C1GALT1: variants seen among roughly 807,000 people sequenced by gnomAD.
The protein encoded by C1GALT1 is core 1 synthase, glycoprotein-N-acetylgalactosamine 3-beta-galactosyltransferase 1, also known as glycoprotein-N-acetylgalactosamine 3-beta-galactosyltransferase 1.
C1GALT1 carries 11 observed loss-of-function variants against 31.0 expected under a neutral mutation model. That is an observed-to-expected ratio of 0.36 (90% CI 0.22 to 0.59). The LOEUF is 0.59. Among genes scored for constraint, C1GALT1 ranks in the 20% least tolerant of loss-of-function variants. C1GALT1 has a pLI of 0.79. For synonymous variants in C1GALT1, 175 were observed against 143.6 expected (o/e 1.22, Z -1.56); for missense variants, 424 against 425.2 (o/e 1.00, Z 0.03).
intron 2 of C1GALT1, among the ~76,000 whole-genome samples, chr7:7,165,546 G>A (rs866624337): frequency 5.3e-5 from 8 of 152,252 alleles, no homozygotes; most frequent in Middle Eastern, 6.8e-3. Flanking sequence ...TTAAGAGGAC[G>A]TTTCAGTGTA....
intron 1 of C1GALT1, among the ~76,000 whole-genome samples, chr7:7,223,834 T>C (rs1782625355): frequency 6.6e-6 from 1 of 152,176 alleles, no homozygotes; most frequent in South Asian, 2.1e-4. Flanking sequence ...GGACATCCTT[T>C]CCTTGTTCAT....
chr7:7,166,688 T>C (rs1028517677), intron 2 of C1GALT1, among the ~76,000 whole-genome samples: 2 of 152,362 alleles, frequency 1.3e-5, no homozygotes, highest in South Asian at 2.1e-4. Flanking sequence ...ATCCGTGTTA[T>C]ACTATTTACA....
chr7:7,211,377 CTACTT>C (rs1781996119), intron 1 of C1GALT1, among the ~76,000 whole-genome samples: 1 of 152,168 alleles, frequency 6.6e-6, no homozygotes, highest in African/African-American at 2.4e-5. Context: ...AGATTTTTCT[CTACTT>C]TACTAGAGGT....
intron 1 of C1GALT1, among the ~76,000 whole-genome samples, chr7:7,188,579 A>G (rs908282595): frequency 6.9e-6 from 1 of 145,480 alleles, no homozygotes; most frequent in African/African-American, 2.7e-5. Flanking sequence ...AAAACATCAA[A>G]AGGTTATAAA....
upstream of C1GALT1, among the ~76,000 whole-genome samples, chr7:7,178,815 G>A (rs925396058): frequency 3.3e-5 from 5 of 152,194 alleles, no homozygotes; most frequent in Admixed American, 6.5e-5. Context: ...CCAGCTGTAT[G>A]AGTTACCTAT....
chr7:7,192,847 C>T (rs895922874), intron 1 of C1GALT1, among the ~76,000 whole-genome samples: 1 of 152,042 alleles, frequency 6.6e-6, no homozygotes. Context: ...TATGGCCATT[C>T]TTGCAGGAGT....
chr7:7,246,431 A>T lies in C1GALT1; in HGVS notation c.*2704A>T, dbSNP rs941480017. Reference sequence around the variant, plus strand: ...AGCCAAATTGTCACAGTGATTCTTAAACTGTGGTTCTCACACTTGCCCAGG... The same window carrying T: ...AGCCAAATTGTCACAGTGATTCTTATACTGTGGTTCTCACACTTGCCCAGG... On this transcript the variant is annotated 3_prime_UTR_variant, in exon 4 of 4. Transcript: ENST00000436587. 1.3e-5 allele frequency: 2 copies of T among 152,178 alleles called. No homozygotes were observed. Among genetic ancestry groups the T allele is most frequent in the African/African-American group, 4.8e-5 (2 of 41,444 alleles). The allele number at this position is 152,178 out of a possible 1,614,324, so 9.4% of individuals were successfully genotyped here.
intron 2 of C1GALT1, among the ~76,000 whole-genome samples, chr7:7,172,188 T>C (rs1264291637): frequency 6.6e-6 from 1 of 152,202 alleles, no homozygotes; most frequent in African/African-American, 2.4e-5. Context: ...AACTTTTCCA[T>C]CATTTTGAAG....
chr7:7,228,832 C>G (rs1047553050), intron 1 of C1GALT1, among the ~76,000 whole-genome samples: 1 of 152,178 alleles, frequency 6.6e-6, no homozygotes. Flanking sequence ...TCCTTACATT[C>G]ACTCCAGGAT....
intron 1 of C1GALT1, among the ~76,000 whole-genome samples, chr7:7,202,214 T>C (rs1781556347): frequency 6.6e-6 from 1 of 152,188 alleles, no homozygotes; most frequent in Admixed American, 6.5e-5. Context: ...CCAGCAGCTG[T>C]AAACTGCTTC....
chr7:7,196,121 T>A (rs1781275554), intron 1 of C1GALT1, among the ~76,000 whole-genome samples: 1 of 152,190 alleles, frequency 6.6e-6, no homozygotes. Context: ...CGTGCACGTT[T>A]GTTACATATG....
chr7:7,195,239 T>G (rs1386909365), intron 1 of C1GALT1, among the ~76,000 whole-genome samples: 1 of 152,232 alleles, frequency 6.6e-6, no homozygotes, highest in Non-Finnish European at 1.5e-5. Context: ...TTCTTGTTTC[T>G]CTGGTTCCTT....
intron 1 of C1GALT1, among the ~76,000 whole-genome samples, chr7:7,187,484 T>G (rs1780871412): frequency 6.6e-6 from 1 of 152,160 alleles, no homozygotes; most frequent in African/African-American, 2.4e-5. Flanking sequence ...AGAAACAGTT[T>G]TAACAAATTA....
chr7:7,211,931 TATG>T (rs1412288681), intron 1 of C1GALT1, among the ~76,000 whole-genome samples: 4 of 152,250 alleles, frequency 2.6e-5, no homozygotes. Context: ...ATGACAAATG[TATG>T]ATAAGCTTTG....
chr7:7,211,342 T>G (rs1271400607), intron 1 of C1GALT1, among the ~76,000 whole-genome samples: 1 of 152,208 alleles, frequency 6.6e-6, no homozygotes, highest in Non-Finnish European at 1.5e-5. Flanking sequence ...TGTCAATAAT[T>G]TTGATTTGAT....
rs1038470338 is a variant in C1GALT1 at position 7,247,461 on chromosome 7, AAAAT to A, written c.*3739_*3742del. 4.6e-5 allele frequency: 7 copies of A among 152,188 alleles called. No homozygotes were observed. Among genetic ancestry groups the A allele is most frequent in the Admixed American group, 3.9e-4 (6 of 15,280 alleles). The allele number at this position is 152,188 out of a possible 1,614,324, so 9.4% of individuals were successfully genotyped here. Reference sequence around the variant, plus strand: ...CTTTTTCTTACTGTAATGAGGTATGAAAATAAATCATTGATCAGCTCTTAATATT... The same window carrying A: ...CTTTTTCTTACTGTAATGAGGTATGAAAATCATTGATCAGCTCTTAATATT... On this transcript the variant is annotated 3_prime_UTR_variant, in exon 4 of 4. Transcript: ENST00000436587.
chr7:7,174,643 ATTC>A (rs1780485978), intron 2 of C1GALT1, among the ~76,000 whole-genome samples: 1 of 151,914 alleles, frequency 6.6e-6, no homozygotes, highest in Non-Finnish European at 1.5e-5. Context: ...AAATTTCTTC[ATTC>A]TTTTTCCTTT....
chr7:7,158,957 G>A (rs980405), intron 2 of C1GALT1, among the ~76,000 whole-genome samples: 3,392 of 152,182 alleles, frequency 0.022, 132 homozygotes, highest in East Asian at 0.16. Context: ...CAACGAGCAG[G>A]GTTCTTGATC....
Position 7,238,574 on chromosome 7 carries a change from G to A in C1GALT1, c.540G>A (p.Arg180=), listed in dbSNP as rs1471936524. Residue 180 remains arginine, a synonymous_variant, in exon 3 of 4, where the codon AGG becomes AGA. Transcript: ENST00000436587. The surrounding 1 kb of genome is among the most constrained non-coding windows in gnomAD (Gnocchi z 5.2). The part of the protein sequence containing the change: ...DDTYVILDNL[R]WLLSKYDPEE... The stretch of plus-strand genomic sequence containing the variant: ...CGTATGTCATACTAGACAATTTGAG[G>A]TGGCTTCTTTCAAAATACGACCCTG... 7 of 1,614,074 alleles carry A rather than the reference G, an allele frequency of 4.3e-6. No individual in the cohort carries two copies. In the South Asian group the frequency reaches 6.6e-5, roughly 15 times the overall value.
Sources: allele counts gnomAD v4.1 joint callset (sites outside exome capture counted in the v4.1 genomes callset), GRCh38; gene constraint gnomAD v4.1.1; non-coding constraint Gnocchi (gnomAD v3.1); transcripts MANE v1.5; gene names NCBI Gene and HGNC (gene_info 2026-07-23, HGNC 2026-07-21).